KATNAL2: variants seen among roughly 807,000 people sequenced by gnomAD.
KATNAL2 encodes katanin catalytic subunit A1 like 2.
In KATNAL2, 52 loss-of-function variants were observed where a neutral mutation model predicts 76.3. The observed-to-expected ratio is 0.68, with a 90% CI of 0.55 to 0.86. The LOEUF (loss-of-function observed/expected upper bound fraction) is 0.86, where lower values mean the gene tolerates loss of function less well. Ranked by LOEUF, KATNAL2 falls within the 40% of genes least tolerant of loss-of-function variation. The pLI is 0.00. For missense variants in KATNAL2, 660 were observed against 668.9 expected, an observed-to-expected ratio of 0.99 and a Z score of 0.15; for synonymous variants, 243 against 244.2, an observed-to-expected ratio of 1.00 and a Z score of 0.05.
At position 47,034,967 on chromosome 18, in the gene KATNAL2, C is replaced by T. The variant is rs777759654; in HGVS notation, c.52-11490C>T. ...TTTTCCTGGTCCTGAAGAGCCTCCC[C>T]GAAGCGCTGTCGGGAAGCGCTCTCC... On this transcript the variant is annotated intron_variant, in intron 3 of 17. Transcript: ENST00000683218. The T allele has an allele frequency of 3.1e-6, 5 of 1,611,704 alleles. No individual in the cohort carries two copies. Among genetic ancestry groups the T allele is most frequent in the South Asian group, 1.1e-5 (1 of 90,968 alleles).
chr18:47,031,927 G>C (rs1287916278), intron 3 of KATNAL2, among the ~76,000 whole-genome samples: 1 of 152,062 alleles, frequency 6.6e-6, no homozygotes, highest in Non-Finnish European at 1.5e-5. Flanking sequence ...ACGTTCCTTT[G>C]ATTACCAGCC....
At chr18:46,935,725 G>T (rs1358909472) in intron 1 of KATNAL2, among the ~76,000 whole-genome samples, 1 of 152,144 alleles carries the variant, frequency 6.6e-6, no homozygotes, top group African/African-American at 2.4e-5. Context: ...AGGCCAGCCT[G>T]ATCAACATGG....
At chr18:46,918,099 TAAG>T (rs1328693488) in intron 1 of KATNAL2, 173 bp downstream of exon 1, 2 of 151,252 alleles carry the variant, frequency 1.3e-5, no homozygotes, top group African/African-American at 4.9e-5. Context: ...AGAAGTGAAA[TAAG>T]AGCGCTCAGA....
At chr18:46,926,602 C>T (rs371529515) in intron 1 of KATNAL2, among the ~76,000 whole-genome samples, 49 of 152,144 alleles carry the variant, frequency 3.2e-4, no homozygotes, top group South Asian at 8.3e-4. Flanking sequence ...CTATTAGGTC[C>T]GCTTGGTGCA....
intron 3 of KATNAL2, among the ~76,000 whole-genome samples, chr18:47,038,456 C>G (rs2060853725): frequency 6.6e-6 from 1 of 152,110 alleles, no homozygotes; most frequent in East Asian, 1.9e-4. Context: ...ATTTTTCTGC[C>G]TCTGTGTATG....
intron 3 of KATNAL2, chr18:47,032,871 C>A: frequency 6.5e-7 from 1 of 1,550,136 alleles, no homozygotes; most frequent in Non-Finnish European, 8.7e-7. Flanking sequence ...ATGACACCTG[C>A]AGAATTCAAA....
intron 15 of KATNAL2, chr18:47,098,352 C>T: frequency 4.2e-6 from 1 of 240,168 alleles, no homozygotes; most frequent in Non-Finnish European, 8.4e-6. Context: ...TGGCGGGGGG[C>T]AAAAGACACT....
At chr18:47,092,319 C>T (rs1331768283) in intron 15 of KATNAL2, among the ~76,000 whole-genome samples, 4 of 151,944 alleles carry the variant, frequency 2.6e-5, no homozygotes, top group Non-Finnish European at 5.9e-5. Context: ...GCCAACATGG[C>T]GAAATCCCGT....
At chr18:47,072,478 C>T (rs575026240) in intron 13 of KATNAL2, among the ~76,000 whole-genome samples, 4 of 152,290 alleles carry the variant, frequency 2.6e-5, no homozygotes, top group African/African-American at 9.6e-5. Flanking sequence ...TGCTCTGTCA[C>T]CCAGGCACCC....
chr18:46,927,462 T>A (rs1336753692), intron 1 of KATNAL2, among the ~76,000 whole-genome samples: 2 of 152,212 alleles, frequency 1.3e-5, no homozygotes, highest in Non-Finnish European at 2.9e-5. Flanking sequence ...CAGCAGTTAG[T>A]CTGATGGGCT....
intron 1 of KATNAL2, among the ~76,000 whole-genome samples, chr18:46,929,214 G>A (rs1260983210): frequency 2.0e-5 from 3 of 150,964 alleles, no homozygotes; most frequent in Non-Finnish European, 4.4e-5. Flanking sequence ...ATTATTTGAG[G>A]TTGACATGTT....
chr18:47,069,534 CTTCT>C lies in KATNAL2; in HGVS notation c.945_948del (p.Phe315LeufsTer43). On this transcript the variant is annotated frameshift_variant, in exon 13 of 18. Coordinates refer to ENST00000683218, the MANE Select transcript of KATNAL2 (RefSeq NM_001387690.1). LOFTEE classifies it high-confidence loss of function. ...CTGTGGCCACTGAATGTAAAACAACCTTCTTTAACATTTCTGCATCCACCATTGT... is the reference window on the plus strand; with the variant it reads ...CTGTGGCCACTGAATGTAAAACAACCTTAACATTTCTGCATCCACCATTGT... 6.2e-7 allele frequency: 1 copy of C among 1,613,930 alleles called. No homozygotes were observed. Among genetic ancestry groups the C allele is most frequent in the Non-Finnish European group, 8.5e-7 (1 of 1,179,902 alleles).
intron 3 of KATNAL2, among the ~76,000 whole-genome samples, chr18:47,040,824 A>T (rs1008246961): frequency 6.6e-6 from 1 of 152,106 alleles, no homozygotes; most frequent in Non-Finnish European, 1.5e-5. Context: ...TTTTTTTCTC[A>T]TGGTTTTATG....
intron 3 of KATNAL2, among the ~76,000 whole-genome samples, chr18:47,042,998 C>A (rs186530204): frequency 1.5e-3 from 225 of 152,148 alleles, no homozygotes; most frequent in African/African-American, 4.7e-3. Context: ...GAGGCCAAGG[C>A]GGGCGGATCA....
chr18:47,092,533 CTT>C (rs1277968251), intron 15 of KATNAL2, among the ~76,000 whole-genome samples: 1 of 150,886 alleles, frequency 6.6e-6, no homozygotes, highest in Non-Finnish European at 1.5e-5. Context: ...TCCTTTTTTT[CTT>C]TTCTCCCCCA....
chr18:46,923,853 TTTGGCTG>T (rs1255110705), intron 1 of KATNAL2, among the ~76,000 whole-genome samples: 1 of 152,228 alleles, frequency 6.6e-6, no homozygotes, highest in African/African-American at 2.4e-5. Flanking sequence ...TCATGTGTCT[TTTGGCTG>T]CATAAATGTC....
At chr18:47,059,406 G>T in intron 7 of KATNAL2, 150 bp from the exon 8 acceptor site, 1 of 647,796 alleles carries the variant, frequency 1.5e-6, no homozygotes, top group Non-Finnish European at 2.8e-6. Flanking sequence ...ATCTTCCTGG[G>T]TCTGCACAAA....
At chr18:47,043,747 G>A (rs2061052636) in intron 3 of KATNAL2, among the ~76,000 whole-genome samples, 2 of 151,710 alleles carry the variant, frequency 1.3e-5, no homozygotes, top group Admixed American at 1.3e-4. Context: ...GATATGAGAT[G>A]TGTTAGTGTT....
rs571463925 is a variant in KATNAL2, at chr18:47,035,303, G to A, written c.52-11154G>A. The stretch of plus-strand genomic sequence containing the variant: ...TGCAGGCGTCGCTGTCCCGGCGGTC[G>A]CAGCTCTGTCTTTGGGGCTGCGGGA... On this transcript the variant is annotated intron_variant, in intron 3 of 17. Transcript: ENST00000683218. 3.1e-6 allele frequency: 5 copies of A among 1,611,422 alleles called. No homozygotes were observed. In the South Asian group the frequency reaches 3.3e-5, roughly 11 times the overall value.
Sources: allele counts gnomAD v4.1 joint callset (sites outside exome capture counted in the v4.1 genomes callset), GRCh38; gene constraint gnomAD v4.1.1; transcripts MANE v1.5; gene names NCBI Gene and HGNC (gene_info 2026-07-23, HGNC 2026-07-21).